Variants in SLCO3A1 observed in about 807,000 individuals in gnomAD.
SLCO3A1 encodes solute carrier organic anion transporter family member 3A1.
A neutral mutation model predicts 63.1 loss-of-function variants in SLCO3A1; 27 were observed. That is an observed-to-expected ratio of 0.43 (90% CI 0.32 to 0.59). The LOEUF is 0.59. SLCO3A1 is among the 20% of genes least tolerant of loss of function. SLCO3A1 has a pLI of 0.09. For missense variants in SLCO3A1, 773 were observed against 945.8 expected (o/e 0.82, Z 2.40); for synonymous variants, 473 against 409.9 (o/e 1.15, Z -1.86).
intron 7 of SLCO3A1, among the ~76,000 whole-genome samples, chr15:92,141,132 T>C (rs542216261): frequency 6.6e-6 from 1 of 152,210 alleles, no homozygotes; most frequent in African/African-American, 2.4e-5. Context: ...TTATTGACAG[T>C]AAAGCTAGAT....
chr15:92,146,655 G>A (rs552396015), intron 7 of SLCO3A1, among the ~76,000 whole-genome samples: 12 of 152,326 alleles, frequency 7.9e-5, no homozygotes, highest in African/African-American at 2.6e-4. Flanking sequence ...ATTTGGCAAC[G>A]TTTTATCATA....
intron 2 of SLCO3A1, among the ~76,000 whole-genome samples, chr15:91,936,458 T>C (rs1013396965): frequency 6.6e-6 from 1 of 152,242 alleles, no homozygotes; most frequent in African/African-American, 2.4e-5. Context: ...TTTTGGAGAC[T>C]GTAGATTGTT....
intron 4 of SLCO3A1, among the ~76,000 whole-genome samples, chr15:92,105,544 C>T (rs936644521): frequency 6.6e-5 from 10 of 152,170 alleles, no homozygotes; most frequent in Admixed American, 6.5e-5. Context: ...TTTCCATCTT[C>T]GGCACAATCC....
In SLCO3A1 at chr15:92,079,370, C is replaced by T. The variant is rs552114799; in HGVS notation, c.647-15511C>T. On this transcript the variant is annotated intron_variant, in intron 2 of 9. Coordinates refer to ENST00000318445, the MANE Select transcript of SLCO3A1 (RefSeq NM_013272.4). Reference sequence around the variant, plus strand: ...GACTGGGTGGCTTCAACAACAGACACTCATTTTCTTACAGTTTTGGAGGCT... The same window carrying T: ...GACTGGGTGGCTTCAACAACAGACATTCATTTTCTTACAGTTTTGGAGGCT... 1.1e-4 allele frequency among the ~76,000 whole-genome samples: 16 copies of T among 152,330 alleles called. No homozygotes were observed. The East Asian group carries it at 3.1e-3, about 29-fold the overall frequency.
chr15:91,927,591 G>A (rs995184498), intron 2 of SLCO3A1, among the ~76,000 whole-genome samples: 1 of 152,162 alleles, frequency 6.6e-6, no homozygotes, highest in African/African-American at 2.4e-5. Context: ...ACTGAGGGAG[G>A]ATTGGCGTTG....
chr15:91,985,908 G>C (rs993873278), intron 2 of SLCO3A1, among the ~76,000 whole-genome samples: 2 of 152,160 alleles, frequency 1.3e-5, no homozygotes, highest in African/African-American at 4.8e-5. Context: ...ACGTGTAGGT[G>C]GGGGAGGCCT....
At chr15:92,108,679 G>T (rs749084404) in intron 4 of SLCO3A1, among the ~76,000 whole-genome samples, 1 of 152,146 alleles carries the variant, frequency 6.6e-6, no homozygotes. Flanking sequence ...TTCTGCAGCC[G>T]CATGTCCATC....
At chr15:91,918,957 G>A (rs72751905) in intron 2 of SLCO3A1, among the ~76,000 whole-genome samples, 12,994 of 152,274 alleles carry the variant, frequency 0.085, 645 homozygotes, top group Non-Finnish European at 0.099. Context: ...TGCCTAAATC[G>A]TGACACTATA....
Position 92,163,036 on chromosome 15 carries a change from G to C in SLCO3A1, c.2034G>C (p.Leu678=). The change falls in exon 10 of 10, where the codon CTG becomes CTC. Residue 678 remains leucine (L), a synonymous_variant. Transcript: ENST00000318445. ...CCTCTACTCTGACCCTAGACAACCT[G>C]GGGAGGGACCCTGTGCCCGCAAACC... is the stretch of plus-strand genomic sequence containing the variant. ...FFASTLTLDN[L]GRDPVPANQT... 2 of 1,597,912 alleles carry C rather than the reference G, an allele frequency of 1.3e-6. No homozygotes were observed. Among genetic ancestry groups the C allele is most frequent in the Non-Finnish European group, 1.7e-6 (2 of 1,171,568 alleles).
At chr15:91,958,054 G>A (rs2151419195) in intron 2 of SLCO3A1, among the ~76,000 whole-genome samples, 1 of 152,218 alleles carries the variant, frequency 6.6e-6, no homozygotes, top group Non-Finnish European at 1.5e-5. Flanking sequence ...TGGAAAAATT[G>A]TTTGGAGATT....
chr15:91,877,498 T>C (rs183908380), intron 1 of SLCO3A1, among the ~76,000 whole-genome samples: 301 of 152,314 alleles, frequency 2.0e-3, no homozygotes, highest in African/African-American at 6.8e-3. Context: ...ATGACATCAC[T>C]GCAAGGTTTG....
At chr15:91,895,906 G>A (rs1316618824) in intron 1 of SLCO3A1, among the ~76,000 whole-genome samples, 1 of 152,230 alleles carries the variant, frequency 6.6e-6, no homozygotes, top group Non-Finnish European at 1.5e-5. Flanking sequence ...AAACTAGGCA[G>A]TGTCAAGGAC....
intron 2 of SLCO3A1, among the ~76,000 whole-genome samples, chr15:92,012,072 G>C (rs1366716381): frequency 6.6e-6 from 1 of 152,254 alleles, no homozygotes; most frequent in Non-Finnish European, 1.5e-5. Flanking sequence ...GAGAGGAAGA[G>C]ACAGAAGGCG....
chr15:91,888,924 G>A (rs1197638863), intron 1 of SLCO3A1, among the ~76,000 whole-genome samples: 4 of 151,446 alleles, frequency 2.6e-5, no homozygotes, highest in South Asian at 2.1e-4. Flanking sequence ...TGGGCGGATC[G>A]CTTGAGCCCA....
intron 2 of SLCO3A1, among the ~76,000 whole-genome samples, chr15:92,010,821 A>G (rs2046360840): frequency 6.6e-6 from 1 of 152,150 alleles, no homozygotes; most frequent in Non-Finnish European, 1.5e-5. Context: ...GATTGTTTTC[A>G]CAACTGTCTC....
intron 2 of SLCO3A1, among the ~76,000 whole-genome samples, chr15:92,086,998 G>C (rs2047412845): frequency 8.3e-6 from 1 of 121,110 alleles, no homozygotes; most frequent in East Asian, 2.2e-4. Flanking sequence ...AAAAAAAAAA[G>C]GAATATTTCT....
chr15:92,077,367 C>T (rs1042474386), intron 2 of SLCO3A1, among the ~76,000 whole-genome samples: 8 of 152,114 alleles, frequency 5.3e-5, no homozygotes, highest in African/African-American at 1.9e-4. Context: ...ACAGACACGG[C>T]GTGAGGACCT....
Position 91,950,607 on chromosome 15 carries a change from A to G in SLCO3A1, c.646+34149A>G, listed in dbSNP as rs1211945607. On this transcript the variant is annotated intron_variant, in intron 2 of 9. Transcript: ENST00000318445. This position sits in a 1 kb window ranked among gnomAD's most constrained non-coding sequence, Gnocchi z 4.4. ...CCTAAGAATGAGGTTCCTAGTTCTT[A>G]CCTAATTTCTCTTCAATTTCTCATG... Among the ~76,000 whole-genome samples, 1 of 152,180 alleles carries G rather than the reference A, an allele frequency of 6.6e-6. No homozygotes were observed. Among genetic ancestry groups the G allele is most frequent in the Middle Eastern group, 3.2e-3 (1 of 316 alleles).
chr15:91,857,512 A>C (rs1306858208), intron 1 of SLCO3A1, among the ~76,000 whole-genome samples: 1 of 152,196 alleles, frequency 6.6e-6, no homozygotes, highest in African/African-American at 2.4e-5. Flanking sequence ...AGAGAATGCA[A>C]TTTAATTTTC....
Sources: gnomAD v4.1 joint callset for allele counts (sites outside exome capture counted in the v4.1 genomes callset) on GRCh38, gnomAD v4.1.1 for gene constraint, Gnocchi (gnomAD v3.1) non-coding constraint, MANE v1.5 for transcripts, NCBI Gene and HGNC (gene_info 2026-07-23, HGNC 2026-07-21) for gene names.